Variants in PARG observed in about 807,000 individuals in gnomAD.
PARG encodes mitochondrial poly(ADP-ribose) glycohydrolase.
A neutral mutation model predicts 113.0 loss-of-function variants in PARG; 35 were observed. That is an observed-to-expected ratio of 0.31 (90% confidence interval 0.24 to 0.41). PARG has a LOEUF of 0.41. Among genes scored for constraint, PARG ranks in the 10% least tolerant of loss-of-function variants. The pLI, the probability that PARG is intolerant of heterozygous loss-of-function variation, is 1.00. For synonymous variants in PARG, 330 were observed against 409.9 expected (o/e 0.81, Z 2.36); for missense variants, 797 against 1,169.4 (o/e 0.68, Z 4.64).
At chr10:49,917,830 A>AG (rs1255939140) in intron 6 of PARG, among the ~76,000 whole-genome samples, 2 of 77,706 alleles carry the variant, frequency 2.6e-5, no homozygotes, top group Non-Finnish European at 5.3e-5. Context: ...AAAAAAAAAA[A>AG]AAAGAAAGAA....
At chr10:49,939,604 A>G (rs1404353873) in intron 1 of PARG, among the ~76,000 whole-genome samples, 6 of 152,186 alleles carry the variant, frequency 3.9e-5, no homozygotes, top group Admixed American at 6.5e-5. Context: ...TGGTTTCTCC[A>G]TTAACCACAG....
chr10:49,836,336 T>TTTTTTTTTTTTTA (rs370070934), intron 15 of PARG, among the ~76,000 whole-genome samples: 2 of 138,636 alleles, frequency 1.4e-5, no homozygotes, highest in African/African-American at 5.6e-5. Context: ...TTTTTTTTTT[T>TTTTTTTTTTTTTA]AGCCCAGGCT....
At chr10:49,890,983 A>G (rs1847745845) in intron 7 of PARG, among the ~76,000 whole-genome samples, 1 of 152,150 alleles carries the variant, frequency 6.6e-6, no homozygotes, top group Admixed American at 6.5e-5. Flanking sequence ...AAATATTTCC[A>G]TAGATCTTTT....
chr10:49,841,584 C>T (rs1346470865), intron 15 of PARG, among the ~76,000 whole-genome samples: 1 of 152,142 alleles, frequency 6.6e-6, no homozygotes, highest in Non-Finnish European at 1.5e-5. Context: ...TGTTTTAACC[C>T]TGATAGCATA....
At chr10:49,842,296 C>T (rs925883869) in intron 14 of PARG, among the ~76,000 whole-genome samples, 2 of 152,220 alleles carry the variant, frequency 1.3e-5, no homozygotes, top group Non-Finnish European at 2.9e-5. Flanking sequence ...AGAGACAACA[C>T]AATGACATAG....
chr10:49,878,649 C>T (rs1372516592), intron 9 of PARG, among the ~76,000 whole-genome samples: 4 of 151,276 alleles, frequency 2.6e-5, no homozygotes, highest in African/African-American at 9.7e-5. Context: ...AGTGGTGTTA[C>T]TGATCATTCT....
chr10:49,931,795 A>G (rs1483049354), intron 4 of PARG, among the ~76,000 whole-genome samples: 5 of 152,268 alleles, frequency 3.3e-5, no homozygotes, highest in African/African-American at 1.2e-4. Flanking sequence ...TTCTGCAGTC[A>G]GTACACAATA....
Position 49,819,221 on chromosome 10 carries a change from T to C in PARG, c.*119A>G, listed in dbSNP as rs1286716945. On this transcript the variant is annotated 3_prime_UTR_variant, in exon 18 of 18. Transcript: ENST00000616448. ...GTGTGGAAGAGATTGCGTCCTTGAC[T>C]ACAAATGTGGATTATGTACACATTT... 1.2e-6 allele frequency: 1 copy of C among 816,954 alleles called. No individual in the cohort carries two copies. Among genetic ancestry groups the C allele is most frequent in the Non-Finnish European group, 1.9e-6 (1 of 525,644 alleles). 50.6% of individuals were successfully genotyped at this position (816,954 alleles called of 1,614,324 possible). A position where few individuals can be genotyped will look rare whatever the true frequency, so the allele number is the denominator to read the frequency against.
In PARG at chr10:49,885,088, C is replaced by G. The variant is rs138163999; in HGVS notation, c.1830+115G>C. On this transcript the variant is annotated intron_variant, in intron 8 of 17. Coordinates refer to ENST00000616448, the MANE Select transcript of PARG (RefSeq NM_003631.5). The stretch of plus-strand genomic sequence containing the variant: ...TCTCTTCCTCTCTCTCTCTCTCTCT[C>G]TCTCTCTGTCTCTCTGTCTCTCTCT... The G allele has an allele frequency of 3.5e-3, 2,623 of 740,634 alleles. 20 individuals are homozygous for G. Among genetic ancestry groups the G allele is most frequent in the African/African-American group, 0.023 (1,339 of 57,838 alleles). The allele number at this position is 740,634 out of a possible 1,614,324, so 45.9% of individuals were successfully genotyped here. A position where few individuals can be genotyped will look rare whatever the true frequency, so the allele number is the denominator to read the frequency against.
chr10:49,881,986 G>C (rs1847239584), intron 8 of PARG, among the ~76,000 whole-genome samples: 1 of 152,126 alleles, frequency 6.6e-6, no homozygotes, highest in Non-Finnish European at 1.5e-5. Flanking sequence ...TTGGTTTTAG[G>C]AAGAAATGAG....
chr10:49,922,360 T>C lies in PARG; in HGVS notation c.1638A>G (p.Lys546=), dbSNP rs1471229571. 5.0e-6 allele frequency: 8 copies of C among 1,604,798 alleles called. No individual in the cohort carries two copies. Among genetic ancestry groups the C allele is most frequent in the Non-Finnish European group, 6.0e-6 (7 of 1,176,462 alleles). Residue 546 remains lysine, a synonymous_variant, in exon 6 of 18, where the codon AAA becomes AAG. Coordinates refer to ENST00000616448, the MANE Select transcript of PARG (RefSeq NM_003631.5). ...CCTTCAAGTTTTGGGGTCGTGTAAA[T>C]TTGTTGAGAAGTGCAGTCTGAATGA... ...WELIQTALLN[K]FTRPQNLKDA...
intron 7 of PARG, among the ~76,000 whole-genome samples, chr10:49,906,990 G>A (rs1848622402): frequency 1.3e-5 from 2 of 151,876 alleles, no homozygotes; most frequent in African/African-American, 4.8e-5. Flanking sequence ...TTAAGGCAGT[G>A]AGCAGTTCCA....
At chr10:49,823,791 T>C (rs782653120) in intron 16 of PARG, among the ~76,000 whole-genome samples, 4 of 152,210 alleles carry the variant, frequency 2.6e-5, no homozygotes, top group Admixed American at 6.5e-5. Flanking sequence ...ACTAGATCTC[T>C]AGTCATTTGC....
chr10:49,824,560 G>A (rs1474814464), intron 16 of PARG, among the ~76,000 whole-genome samples: 2 of 152,050 alleles, frequency 1.3e-5, no homozygotes, highest in African/African-American at 4.8e-5. Flanking sequence ...AACATGAAAA[G>A]CAATTCATAG....
chr10:49,830,385 T>C (rs1554830118), intron 16 of PARG, among the ~76,000 whole-genome samples: 1 of 152,202 alleles, frequency 6.6e-6, no homozygotes, highest in African/African-American at 2.4e-5. Context: ...TTTTTGTCTT[T>C]GAATTTGAAG....
Position 49,879,719 on chromosome 10 carries a change from T to C in PARG, c.1942A>G (p.Lys648Glu). The change falls in exon 9 of 18, where the codon AAG (lysine) becomes GAG (glutamate). Residue 648 changes from lysine (K) to glutamate (E), a missense_variant. By Grantham distance (56) the Lys-to-Glu change is moderately conservative. Around this residue, in one of 5 missense-constraint regions of PARG, gnomAD observed 252 missense variants for 437.4 expected, o/e 0.58. Transcript: ENST00000616448. ...FFCTFPRRNAKMKSEYSSYPD... is the reference protein window; with the variant it reads ...FFCTFPRRNAEMKSEYSSYPD... ...TAACTAGAATACTCCGATTTCATCT[T>C]AGCATTTCGTCGTGGAAATGTGCAG... is the stretch of plus-strand genomic sequence containing the variant. The C allele has an allele frequency of 6.3e-7, 1 of 1,577,774 alleles. No homozygotes were observed. The highest frequency in any genetic ancestry group is 8.6e-7 in the Non-Finnish European group (1 of 1,160,768).
chr10:49,879,606 A>G (rs2573491), intron 9 of PARG, 67 bp downstream of exon 9: 2 of 1,209,614 alleles, frequency 1.7e-6, no homozygotes, highest in Non-Finnish European at 1.2e-6. Context: ...ATTCATTCAA[A>G]AAATATTATT....
Position 49,933,266 on chromosome 10 carries a change from A to G in PARG, c.1182T>C (p.Asn394=), listed in dbSNP as rs1838577266. 25 of 1,600,490 alleles carry G rather than the reference A, an allele frequency of 1.6e-5. No homozygotes were observed. The highest frequency in any genetic ancestry group is 6.7e-5 in the South Asian group (6 of 89,322). ...GTTGCTTAGAATTTCTGCATTCTAC[A>G]TTCAGGCTAGAAATATTTCCAGGTA... ...AKLPGNISSL[N]VECRNSKQHG... Residue 394 remains asparagine (N), a synonymous_variant, in exon 3 of 18, where the codon AAT becomes AAC. Coordinates refer to ENST00000616448, the MANE Select transcript of PARG (RefSeq NM_003631.5).
intron 13 of PARG, among the ~76,000 whole-genome samples, chr10:49,849,176 C>A (rs1188949263): frequency 6.7e-6 from 1 of 149,840 alleles, no homozygotes; most frequent in African/African-American, 2.4e-5. Context: ...TCCTGGGCAA[C>A]AAGAGCGAAA....
Sources: gnomAD v4.1 joint callset for allele counts (sites outside exome capture counted in the v4.1 genomes callset) on GRCh38, gnomAD v4.1.1 for gene constraint, gnomAD v4.1.1 regional missense constraint, MANE v1.5 for transcripts, NCBI Gene and HGNC (gene_info 2026-07-23, HGNC 2026-07-21) for gene names.